Variants in PHF21B observed in about 807,000 individuals in gnomAD.
The protein encoded by PHF21B is PHD finger protein 21B, also known as PHD finger protein 4.
Under a neutral mutation model 62.2 loss-of-function variants are expected in PHF21B, and 22 were observed. The ratio of observed to expected loss-of-function variants is 0.35; its 90% CI spans 0.25 to 0.51. The LOEUF (loss-of-function observed/expected upper bound fraction) is 0.51. Ranked by LOEUF, PHF21B falls within the 20% of genes least tolerant of loss-of-function variation. The pLI is 0.97. For synonymous variants in PHF21B, 341 were observed against 314.7 expected, an observed-to-expected ratio of 1.08 and a Z score of -0.88; for missense variants, 701 against 707.9, an observed-to-expected ratio of 0.99 and a Z score of 0.11.
At chr22:44,954,301 C>T (rs2072251153) in intron 2 of PHF21B, among the ~76,000 whole-genome samples, 1 of 152,250 alleles carries the variant, frequency 6.6e-6, no homozygotes, top group South Asian at 2.1e-4. Flanking sequence ...CACTCCCTCC[C>T]TCTTTGGGGA....
At chr22:44,983,091 G>A (rs900423471) in intron 2 of PHF21B, among the ~76,000 whole-genome samples, 8 of 152,074 alleles carry the variant, frequency 5.3e-5, no homozygotes, top group African/African-American at 1.2e-4. Flanking sequence ...AAAATTAGCC[G>A]GGCATGGTGG....
intron 2 of PHF21B, among the ~76,000 whole-genome samples, chr22:45,002,272 T>G (rs897247643): frequency 2.2e-4 from 34 of 152,224 alleles, no homozygotes; most frequent in African/African-American, 8.2e-4. Flanking sequence ...TCAATAGGAA[T>G]AAAAATGTAA....
At chr22:44,981,469 C>T (rs1044910358) in intron 2 of PHF21B, among the ~76,000 whole-genome samples, 2 of 152,204 alleles carry the variant, frequency 1.3e-5, no homozygotes, top group African/African-American at 4.8e-5. Context: ...GAACCCAGCA[C>T]CTCACCCAAG....
At position 44,916,449 on chromosome 22, in the gene PHF21B, G is replaced by GC; in HGVS notation, c.394dup (p.Ala132GlyfsTer43). 3 of 1,602,332 alleles carry GC rather than the reference G, an allele frequency of 1.9e-6. No homozygotes were observed. The highest frequency in any genetic ancestry group is 2.5e-6 in the Non-Finnish European group (3 of 1,177,924). ...GGCGAGGGCGGCGGGCTCGGCGAGG[G>GC]CCTGGGGCTGGCTGCCGGGCGCTGG... On this transcript the variant is annotated frameshift_variant, in exon 4 of 13. Transcript: ENST00000313237. LOFTEE classifies it high-confidence loss of function.
Position 44,916,746 on chromosome 22 carries a change from A to G in PHF21B, c.214-116T>C, listed in dbSNP as rs185926192. On this transcript the variant is annotated intron_variant, in intron 3 of 12. Transcript: ENST00000313237. The stretch of plus-strand genomic sequence containing the variant: ...AAGGGGAAGGGGCAGCACTGGAAAG[A>G]GCACAGCGCCTGTCACGGCCTCACA... 3.4e-4 allele frequency: 317 copies of G among 944,968 alleles called. 2 individuals are homozygous for G. The East Asian group carries it at 6.6e-3, about 20-fold the overall frequency. The allele number at this position is 944,968 out of a possible 1,614,324, so 58.5% of individuals were successfully genotyped here. A position where few individuals can be genotyped will look rare whatever the true frequency, so the allele number is the denominator to read the frequency against.
intron 5 of PHF21B, among the ~76,000 whole-genome samples, chr22:44,907,040 T>C (rs929777344): frequency 2.0e-5 from 3 of 152,164 alleles, no homozygotes; most frequent in Admixed American, 6.5e-5. Context: ...GGTACATACA[T>C]GTCACGCGTT....
intron 2 of PHF21B, among the ~76,000 whole-genome samples, chr22:44,943,541 C>T (rs903822180): frequency 6.6e-6 from 1 of 151,952 alleles, no homozygotes; most frequent in African/African-American, 2.4e-5. Flanking sequence ...CTCGTGGGGA[C>T]ACGGGCAGCT....
At position 44,885,291 on chromosome 22, in the gene PHF21B, G is replaced by C. The variant is rs544192675; in HGVS notation, c.1377+135C>G. 31 of 763,284 alleles carry C rather than the reference G, an allele frequency of 4.1e-5. No homozygotes were observed. In the East Asian group the frequency reaches 8.7e-4, roughly 21 times the overall value. The allele number at this position is 763,284 out of a possible 1,614,324, so 47.3% of individuals were successfully genotyped here. On this transcript the variant is annotated intron_variant, in intron 12 of 12. Coordinates refer to ENST00000313237, the MANE Select transcript of PHF21B (RefSeq NM_138415.5). The stretch of plus-strand genomic sequence containing the variant: ...AATGACACGCCTGCCTGTCCACCAG[G>C]CCCTGGCTCCTTCCTGCACTGCTGA...
chr22:44,977,307 G>A (rs2072755674), intron 2 of PHF21B, among the ~76,000 whole-genome samples: 1 of 151,990 alleles, frequency 6.6e-6, no homozygotes, highest in Non-Finnish European at 1.5e-5. Context: ...GCTCACACCT[G>A]TAATCCCAGC....
chr22:44,998,904 A>G (rs2073165470), intron 2 of PHF21B, among the ~76,000 whole-genome samples: 1 of 152,116 alleles, frequency 6.6e-6, no homozygotes, highest in Admixed American at 6.6e-5. Flanking sequence ...CAACACCCCC[A>G]CTTTGAGACC....
intron 2 of PHF21B, 141 bp downstream of exon 2, chr22:45,008,404 T>G (rs1369218557): frequency 2.9e-6 from 2 of 688,304 alleles, no homozygotes; most frequent in Non-Finnish European, 4.1e-6. Context: ...AGGGGAGGGG[T>G]GGGGAACTTT....
chr22:44,996,809 C>T (rs575768058), intron 2 of PHF21B, among the ~76,000 whole-genome samples: 17 of 152,170 alleles, frequency 1.1e-4, no homozygotes, highest in Middle Eastern at 3.4e-3. Context: ...TACATGCAGA[C>T]GCACATAAGC....
At chr22:44,946,299 G>A (rs769671747) in intron 2 of PHF21B, among the ~76,000 whole-genome samples, 5 of 148,746 alleles carry the variant, frequency 3.4e-5, no homozygotes, top group Non-Finnish European at 5.9e-5. Flanking sequence ...ACCCCCAAAC[G>A]AGGCCAGATA....
rs192831850 is a variant in PHF21B at position 44,905,721 on chromosome 22, C to T, written c.831+8101G>A. On this transcript the variant is annotated intron_variant, in intron 5 of 12. Coordinates refer to ENST00000313237, the MANE Select transcript of PHF21B (RefSeq NM_138415.5). ...TCAGCTCACTGCAAGCTCCACCTCC[C>T]GGGTTCACACCATTCTCCTGCCTCA... 2.0e-4 allele frequency among the ~76,000 whole-genome samples: 31 copies of T among 152,276 alleles called. No individual in the cohort carries two copies. The East Asian group carries it at 5.2e-3, about 26-fold the overall frequency.
intron 2 of PHF21B, among the ~76,000 whole-genome samples, chr22:44,951,666 A>G (rs928061658): frequency 1.3e-5 from 2 of 152,220 alleles, no homozygotes; most frequent in Non-Finnish European, 2.9e-5. Flanking sequence ...ATGGACCACA[A>G]TCTACATCTC....
chr22:44,907,432 C>A (rs1480574005), intron 5 of PHF21B, among the ~76,000 whole-genome samples: 2 of 152,184 alleles, frequency 1.3e-5, no homozygotes, highest in Admixed American at 6.5e-5. Flanking sequence ...GTGGGGTGAA[C>A]AGGCCAGCCG....
At chr22:45,002,682 A>T (rs889827595) in intron 2 of PHF21B, among the ~76,000 whole-genome samples, 12 of 152,238 alleles carry the variant, frequency 7.9e-5, no homozygotes, top group Non-Finnish European at 1.6e-4. Flanking sequence ...CTGCACTCCT[A>T]CACACATCTT....
intron 2 of PHF21B, among the ~76,000 whole-genome samples, chr22:44,991,646 TG>T (rs1163249343): frequency 1.3e-5 from 2 of 152,218 alleles, no homozygotes; most frequent in Admixed American, 6.5e-5. Flanking sequence ...CGGGGGACCC[TG>T]GGGTGGTCAC....
intron 2 of PHF21B, among the ~76,000 whole-genome samples, chr22:44,937,152 C>A (rs2147354003): frequency 6.6e-6 from 1 of 152,284 alleles, no homozygotes; most frequent in South Asian, 2.1e-4. Flanking sequence ...AGGCATGAAC[C>A]ACCGCACCCG....
Sources: gnomAD v4.1 joint callset for allele counts (sites outside exome capture counted in the v4.1 genomes callset) on GRCh38, gnomAD v4.1.1 for gene constraint, MANE v1.5 for transcripts, NCBI Gene and HGNC (gene_info 2026-07-23, HGNC 2026-07-21) for gene names.